Variants in CABS1 observed in about 807,000 individuals in gnomAD.
CABS1 encodes calcium-binding and spermatid-specific protein 1.
For missense variants in CABS1, 500 were observed against 464.3 expected (o/e 1.08, Z -0.71); for synonymous variants, 195 against 169.0 (o/e 1.15, Z -1.19).
chr4:70,335,441 T>C lies in CABS1; in HGVS notation c.402T>C (p.Asp134=), dbSNP rs367634444. The change falls in exon 1 of 2, where the codon GAT becomes GAC. Residue 134 remains aspartate, a synonymous_variant. Coordinates refer to ENST00000273936, the MANE Select transcript of CABS1 (RefSeq NM_033122.4). ...CAGTTACTACTGTTTCTTTAATAGA[T>C]TTTTCCACTGACATAGCAAAAGAAG... ...SSPVTTVSLI[D]FSTDIAKEDI... 3.1e-6 allele frequency: 5 copies of C among 1,613,554 alleles called. No individual in the cohort carries two copies. In the Admixed American group the frequency reaches 6.7e-5, roughly 22 times the overall value.
Position 70,336,270 on chromosome 4 carries a change from GC to G in CABS1, c.*45del. 1 of 1,530,714 alleles carries G rather than the reference GC, an allele frequency of 6.5e-7. No individual in the cohort carries two copies. The highest frequency in any genetic ancestry group is 1.3e-5 in the South Asian group (1 of 75,846). 94.8% of individuals were successfully genotyped at this position (1,530,714 alleles called of 1,614,324 possible). A position where few individuals can be genotyped will look rare whatever the true frequency, so the allele number is the denominator to read the frequency against. ...CCATGTAGAATTGTGCAATAGTCTA[GC>G]CAGCTAGCCTTAACATCTAAGAAAT... On this transcript the variant is annotated 3_prime_UTR_variant, in exon 1 of 2. Transcript: ENST00000273936.
Position 70,335,985 on chromosome 4 carries a change from G to A in CABS1, c.946G>A (p.Ala316Thr). ...EAETHSVLLTAVESRYDFVVP... is the reference protein window; with the variant it reads ...EAETHSVLLTTVESRYDFVVP... ...AGAGACCCATTCTGTTTTGCTTACT[G>A]CTGTTGAATCCAGATATGACTTCGT... is the stretch of plus-strand genomic sequence containing the variant. Residue 316 changes from alanine to threonine, a missense_variant, in exon 1 of 2, where the codon GCT becomes ACT. Ala to Thr is a moderately conservative substitution (Grantham distance 58). Transcript: ENST00000273936. 1 of 1,613,538 alleles carries A rather than the reference G, an allele frequency of 6.2e-7. No homozygotes were observed. The highest frequency in any genetic ancestry group is 2.2e-5 in the East Asian group (1 of 44,832).
In CABS1 at chr4:70,335,409, T is replaced by A; in HGVS notation, c.370T>A (p.Ser124Thr). 6.2e-7 allele frequency: 1 copy of A among 1,613,742 alleles called. No homozygotes were observed. The highest frequency in any genetic ancestry group is 8.5e-7 in the Non-Finnish European group (1 of 1,179,810). ...CATGCCAGTGAAAATTGGGAATATTTCATCACCAGTTACTACTGTTTCTTT... is the reference window on the plus strand; with the variant it reads ...CATGCCAGTGAAAATTGGGAATATTACATCACCAGTTACTACTGTTTCTTT... ...HFMPVKIGNISSPVTTVSLID... is the reference protein window; with the variant it reads ...HFMPVKIGNITSPVTTVSLID... The change falls in exon 1 of 2, where the codon TCA becomes ACA. Residue 124 changes from serine to threonine, a missense_variant. Physicochemically the swap from Ser to Thr is moderately conservative, Grantham distance 58. Coordinates refer to ENST00000273936, the MANE Select transcript of CABS1 (RefSeq NM_033122.4).
intron 1 of CABS1, among the ~76,000 whole-genome samples, chr4:70,336,763 C>G (rs12644966): frequency 0.3 from 45,605 of 149,596 alleles, 7,952 homozygotes; most frequent in Non-Finnish European, 0.38. Flanking sequence ...AGAATTAAGA[C>G]AATTCAGTAA....
At position 70,335,816 on chromosome 4, in the gene CABS1, C is replaced by T; in HGVS notation, c.777C>T (p.Asp259=). 6.2e-7 allele frequency: 1 copy of T among 1,613,590 alleles called. No individual in the cohort carries two copies. Among genetic ancestry groups the T allele is most frequent in the East Asian group, 2.2e-5 (1 of 44,830 alleles). The part of the protein sequence containing the change: ...DDTSAVATLT[D]SDEKFITVFE... ...CCAGTGCTGTGGCTACATTAACTGA[C>T]TCTGATGAGAAGTTTATCACTGTGT... The change falls in exon 1 of 2, where the codon GAC becomes GAT. Residue 259 remains aspartate (D), a synonymous_variant. Transcript: ENST00000273936.
chr4:70,335,899 C>A lies in CABS1; in HGVS notation c.860C>A (p.Thr287Asn), dbSNP rs1241537379. The change falls in exon 1 of 2, where the codon ACT (threonine) becomes AAT (asparagine). Residue 287 changes from threonine (T) to asparagine (N), a missense_variant. Transcript: ENST00000273936. ...DKDKREDTLL[T>N]DEETTEGASI... ...GATAAACGGGAAGATACTCTGCTAA[C>A]TGATGAAGAAACTACCGAGGGAGCC... The A allele has an allele frequency of 6.2e-7, 1 of 1,613,506 alleles. No homozygotes were observed. The highest frequency in any genetic ancestry group is 8.5e-7 in the Non-Finnish European group (1 of 1,179,732).
At position 70,335,341 on chromosome 4, in the gene CABS1, G is replaced by A. The variant is rs1306000781; in HGVS notation, c.302G>A (p.Gly101Asp). 6 of 1,613,634 alleles carry A rather than the reference G, an allele frequency of 3.7e-6. No individual in the cohort carries two copies. The highest frequency in any genetic ancestry group is 4.2e-6 in the Non-Finnish European group (5 of 1,179,880). ...CAGAAAGAAATTACCTCTCTGACTG[G>A]CACTACAAACTCCATAACAAGAGAC... The part of the protein sequence containing the change: ...HLQKEITSLT[G>D]TTNSITRDSI... Residue 101 changes from glycine (G) to aspartate (D), a missense_variant, in exon 1 of 2, where the codon GGC becomes GAC. Coordinates refer to ENST00000273936, the MANE Select transcript of CABS1 (RefSeq NM_033122.4).
rs1278737114 is a variant in CABS1 at position 70,335,015 on chromosome 4, A to T, written c.-25A>T. 1 of 1,596,806 alleles carries T rather than the reference A, an allele frequency of 6.3e-7. No homozygotes were observed. The highest frequency in any genetic ancestry group is 1.3e-5 in the African/African-American group (1 of 74,466). ...ACTGAGTCCAGAAGCAAGACCTGTG[A>T]GAGTGCACAGTGCCACTTCGCCCCA... On this transcript the variant is annotated 5_prime_UTR_variant, in exon 1 of 2. Transcript: ENST00000273936.
rs866956243 is a variant in CABS1, at chr4:70,335,080, C to T, written c.41C>T (p.Pro14Leu). ...DGLPKIYSHP[P>L]TESSKTPTAA... ...TTGCCCAAAATTTATTCTCATCCTCCAACAGAAAGCAGTAAAACACCAACT... is the reference window on the plus strand; with the variant it reads ...TTGCCCAAAATTTATTCTCATCCTCTAACAGAAAGCAGTAAAACACCAACT... Residue 14 changes from proline to leucine, a missense_variant, in exon 1 of 2, where the codon CCA (proline) becomes CTA (leucine). Coordinates refer to ENST00000273936, the MANE Select transcript of CABS1 (RefSeq NM_033122.4). 1 of 1,613,384 alleles carries T rather than the reference C, an allele frequency of 6.2e-7. No homozygotes were observed.
In CABS1 at chr4:70,336,047, A is replaced by G; in HGVS notation, c.1008A>G (p.Glu336=). 6.2e-7 allele frequency: 1 copy of G among 1,613,488 alleles called. No individual in the cohort carries two copies. The highest frequency in any genetic ancestry group is 8.5e-7 in the Non-Finnish European group (1 of 1,179,632). ...CAATAGCTACAAACCTAGTGGAAGA[A>G]TCATCTACAGAAGAAGATTTGTCTG... ...PASIATNLVE[E]SSTEEDLSET... Residue 336 remains glutamate (E), a synonymous_variant, in exon 1 of 2, where the codon GAA becomes GAG. Coordinates refer to ENST00000273936, the MANE Select transcript of CABS1 (RefSeq NM_033122.4).
rs375673471 is a variant in CABS1, at chr4:70,335,212, G to A, written c.173G>A (p.Ser58Asn). Residue 58 changes from serine (S) to asparagine (N), a missense_variant, in exon 1 of 2, where the codon AGC (serine) becomes AAC (asparagine). Physicochemically the swap from Ser to Asn is conservative, Grantham distance 46. Transcript: ENST00000273936. Reference protein sequence around the residue: ...VTSVNEYMLESDFSTTTDNKL... With the variant: ...VTSVNEYMLENDFSTTTDNKL... ...TCAGTAAATGAATATATGCTAGAAA[G>A]CGATTTTTCAACAACTACAGACAAC... 3.7e-6 allele frequency: 6 copies of A among 1,613,628 alleles called. No homozygotes were observed. The highest frequency in any genetic ancestry group is 1.3e-5 in the African/African-American group (1 of 74,896).
In CABS1 at chr4:70,335,152, A is replaced by G. The variant is rs1731689132; in HGVS notation, c.113A>G (p.Glu38Gly). ...GCTGACAATGCTATTCCCAAATCAG[A>G]AACAACTATTACTTCAGAAGGAGAC... is the stretch of plus-strand genomic sequence containing the variant. Reference protein sequence around the residue: ...FGADNAIPKSETTITSEGDHV... With the variant: ...FGADNAIPKSGTTITSEGDHV... Residue 38 changes from glutamate (E) to glycine (G), a missense_variant, in exon 1 of 2, where the codon GAA becomes GGA. By Grantham distance (98) the Glu-to-Gly change is moderately conservative (BLOSUM62 -2). Coordinates refer to ENST00000273936, the MANE Select transcript of CABS1 (RefSeq NM_033122.4). 2 of 1,613,722 alleles carry G rather than the reference A, an allele frequency of 1.2e-6. No homozygotes were observed. Among genetic ancestry groups the G allele is most frequent in the Admixed American group, 3.3e-5 (2 of 59,966 alleles).
chr4:70,336,127 C>T lies in CABS1; in HGVS notation c.1088C>T (p.Thr363Ile), dbSNP rs1731724312. 1.2e-6 allele frequency: 2 copies of T among 1,613,082 alleles called. No individual in the cohort carries two copies. Among genetic ancestry groups the T allele is most frequent in the South Asian group, 1.1e-5 (1 of 91,076 alleles). ...PKITEPFSGT[T>I]SVLDTPDYKE... Reference sequence around the variant, plus strand: ...ATCACTGAGCCATTTTCTGGAACTACCTCTGTATTAGATACCCCAGACTAT... The same window carrying T: ...ATCACTGAGCCATTTTCTGGAACTATCTCTGTATTAGATACCCCAGACTAT... The change falls in exon 1 of 2, where the codon ACC (threonine) becomes ATC (isoleucine). Residue 363 changes from threonine to isoleucine, a missense_variant. Physicochemically the swap from Thr to Ile is moderately conservative, Grantham distance 89 (BLOSUM62 -1). Coordinates refer to ENST00000273936, the MANE Select transcript of CABS1 (RefSeq NM_033122.4).
chr4:70,336,245 C>T lies in CABS1; in HGVS notation c.*18C>T, dbSNP rs376560270. The T allele has an allele frequency of 2.4e-5, 38 of 1,593,262 alleles. No homozygotes were observed. The African/African-American group carries it at 4.9e-4, about 20-fold the overall frequency. Reference sequence around the variant, plus strand: ...TGATTTAAAAGCAACAAAAGGGATACCATGTAGAATTGTGCAATAGTCTAG... The same window carrying T: ...TGATTTAAAAGCAACAAAAGGGATATCATGTAGAATTGTGCAATAGTCTAG... On this transcript the variant is annotated 3_prime_UTR_variant, in exon 1 of 2. Transcript: ENST00000273936.
chr4:70,335,694 C>T lies in CABS1; in HGVS notation c.655C>T (p.Pro219Ser), dbSNP rs1196323634. Residue 219 changes from proline (P) to serine (S), a missense_variant, in exon 1 of 2, where the codon CCT becomes TCT. Pro to Ser is a moderately conservative substitution (Grantham distance 74). Coordinates refer to ENST00000273936, the MANE Select transcript of CABS1 (RefSeq NM_033122.4). ...CACTATTCCTGAGGCTGAAATCCCT[C>T]CTGCTCCTGAAGAAAGCTTCACTAC... is the stretch of plus-strand genomic sequence containing the variant. ...DSTIPEAEIP[P>S]APEESFTTIP... 6.2e-7 allele frequency: 1 copy of T among 1,613,576 alleles called. No individual in the cohort carries two copies. Among genetic ancestry groups the T allele is most frequent in the African/African-American group, 1.3e-5 (1 of 75,008 alleles).
rs1450695400 is a variant in CABS1, at chr4:70,336,240, G to C, written c.*13G>C. On this transcript the variant is annotated 3_prime_UTR_variant, in exon 1 of 2. Transcript: ENST00000273936. ...GTTCATGATTTAAAAGCAACAAAAG[G>C]GATACCATGTAGAATTGTGCAATAG... 6.3e-7 allele frequency: 1 copy of C among 1,596,030 alleles called. No individual in the cohort carries two copies. The highest frequency in any genetic ancestry group is 1.8e-5 in the Admixed American group (1 of 57,052).
chr4:70,336,200 A>G lies in CABS1; in HGVS notation c.1161A>G (p.Lys387=), dbSNP rs1553912806. Residue 387 remains lysine (K), a synonymous_variant, in exon 1 of 2, where the codon AAA becomes AAG. Coordinates refer to ENST00000273936, the MANE Select transcript of CABS1 (RefSeq NM_033122.4). ...AAACGGATATCTTTGAACTACTGAAAGAAGAACCCGATGAGTTCATGATTT... is the reference window on the plus strand; with the variant it reads ...AAACGGATATCTTTGAACTACTGAAGGAAGAACCCGATGAGTTCATGATTT... ...TTETDIFELL[K]EEPDEFMI The G allele has an allele frequency of 6.2e-7, 1 of 1,611,518 alleles. No homozygotes were observed. Among genetic ancestry groups the G allele is most frequent in the South Asian group, 1.1e-5 (1 of 90,770 alleles).
rs375155968 is a variant in CABS1 at position 70,335,738 on chromosome 4, C to T, written c.699C>T (p.Ala233=). The T allele has an allele frequency of 6.2e-7, 1 of 1,613,578 alleles. No individual in the cohort carries two copies. The highest frequency in any genetic ancestry group is 8.5e-7 in the Non-Finnish European group (1 of 1,179,750). The change falls in exon 1 of 2, where the codon GCC becomes GCT. Residue 233 remains alanine (A), a synonymous_variant. Transcript: ENST00000273936. The part of the protein sequence containing the change: ...ESFTTIPDIT[A]LEEEKITEID... ...TCACTACTATTCCAGACATAACTGC[C>T]CTTGAAGAAGAGAAAATAACCGAAA...
chr4:70,336,562 T>C (rs1229320090), intron 1 of CABS1, among the ~76,000 whole-genome samples: 1 of 151,974 alleles, frequency 6.6e-6, no homozygotes, highest in Non-Finnish European at 1.5e-5. Flanking sequence ...CATTTAATGA[T>C]GCATATCATT....
Sources: gnomAD v4.1 joint callset for allele counts (sites outside exome capture counted in the v4.1 genomes callset) on GRCh38, gnomAD v4.1.1 for gene constraint, MANE v1.5 for transcripts, NCBI Gene and HGNC (gene_info 2026-07-23, HGNC 2026-07-21) for gene names.